The following WBP2NL variants were observed in gnomAD, a reference collection of about 807,000 sequenced individuals.
WBP2NL encodes the protein postacrosomal sheath WW domain-binding protein.
A neutral mutation model predicts 23.3 loss-of-function variants in WBP2NL; 27 were observed. The observed-to-expected ratio is 1.16, with a 90% CI of 0.85 to 1.60. The LOEUF (loss-of-function observed/expected upper bound fraction) is 1.60. Among genes scored for constraint, WBP2NL ranks in the 40% most tolerant of loss-of-function variants. The pLI, the probability that WBP2NL is intolerant of heterozygous loss-of-function variation, is 0.00. For synonymous variants in WBP2NL, 151 were observed against 145.9 expected (o/e 1.03, Z -0.25); for missense variants, 370 against 389.5 (o/e 0.95, Z 0.42).
downstream of WBP2NL, chr22:42,032,572 A>G (rs2146809814): frequency 3.4e-6 from 1 of 292,314 alleles, no homozygotes; most frequent in African/African-American, 2.2e-5. Context: ...GTATGTATAT[A>G]TATAAAATGT....
chr22:42,045,528 A>G (rs1345308493), intron 8 of WBP2NL, among the ~76,000 whole-genome samples: 1 of 152,246 alleles, frequency 6.6e-6, no homozygotes, highest in East Asian at 1.9e-4. Flanking sequence ...TTTCATAGAA[A>G]TGAAAGAGAA....
chr22:42,035,957 A>G (rs937383406), downstream of WBP2NL, among the ~76,000 whole-genome samples: 2 of 152,150 alleles, frequency 1.3e-5, no homozygotes, highest in African/African-American at 4.8e-5. Flanking sequence ...AACTTCCTCC[A>G]GCTTCATTCA....
chr22:42,019,521 C>T (rs1476694313), intron 2 of WBP2NL, 102 bp downstream of exon 2: 13 of 1,533,602 alleles, frequency 8.5e-6, no homozygotes, highest in Admixed American at 5.5e-5. Flanking sequence ...TTTAAACGTG[C>T]GCTTTGGGAT....
chr22:42,037,648 C>T (rs1025510665), downstream of WBP2NL, among the ~76,000 whole-genome samples: 7 of 151,874 alleles, frequency 4.6e-5, no homozygotes, highest in African/African-American at 1.5e-4. Context: ...TGCTGAGTCC[C>T]GTAAATTCCT....
chr22:41,998,855 G>A lies in WBP2NL; in HGVS notation c.37G>A (p.Gly13Arg), dbSNP rs770372376. The A allele has an allele frequency of 1.9e-6, 3 of 1,612,338 alleles. No homozygotes were observed. Among genetic ancestry groups the A allele is most frequent in the Non-Finnish European group, 2.5e-6 (3 of 1,178,906 alleles). ...TCAGAGCCACACCGAGAACCGCCGCGGAGCCCTCATCCCTAACGGTGAAAG... is the reference window on the plus strand; with the variant it reads ...TCAGAGCCACACCGAGAACCGCCGCAGAGCCCTCATCCCTAACGGTGAAAG... ...VNQSHTENRR[G>R]ALIPNGESLL... The change falls in exon 1 of 6, where the codon GGA (glycine) becomes AGA (arginine). Residue 13 changes from glycine to arginine, a missense_variant. Transcript: ENST00000328823.
intron 1 of WBP2NL, among the ~76,000 whole-genome samples, chr22:42,011,868 G>A (rs1021247113): frequency 2.0e-5 from 3 of 151,906 alleles, no homozygotes; most frequent in African/African-American, 4.8e-5. Context: ...TGCCTCCTGG[G>A]TTAAAGTGAT....
At chr22:42,006,493 A>C (rs1922266929) in intron 1 of WBP2NL, among the ~76,000 whole-genome samples, 1 of 152,176 alleles carries the variant, frequency 6.6e-6, no homozygotes, top group Non-Finnish European at 1.5e-5. Flanking sequence ...TCAGCCTCCC[A>C]AAGTGCTGGC....
downstream of WBP2NL, among the ~76,000 whole-genome samples, chr22:42,035,481 C>T (rs2146812220): frequency 6.6e-6 from 1 of 152,382 alleles, no homozygotes; most frequent in South Asian, 2.1e-4. Flanking sequence ...GGGTCTCGCG[C>T]TTGTCCCTGG....
intron 8 of WBP2NL, among the ~76,000 whole-genome samples, chr22:42,039,535 G>C (rs1027259890): frequency 2.6e-5 from 4 of 151,916 alleles, no homozygotes; most frequent in Admixed American, 2.6e-4. Flanking sequence ...GTTTGTTATT[G>C]GTCTGCTCAG....
intron 8 of WBP2NL, among the ~76,000 whole-genome samples, chr22:42,052,686 A>G (rs141785402): frequency 3.4e-4 from 51 of 152,120 alleles, no homozygotes; most frequent in African/African-American, 9.2e-4. Context: ...ACTTTTGTCT[A>G]TTTTTCCAAT....
intron 8 of WBP2NL, among the ~76,000 whole-genome samples, chr22:42,042,278 AT>A (rs1437233462): frequency 6.6e-6 from 1 of 152,138 alleles, no homozygotes; most frequent in African/African-American, 2.4e-5. Context: ...TCTTCATCTC[AT>A]AACCCCATAA....
chr22:42,008,985 T>A (rs535035985), intron 1 of WBP2NL, among the ~76,000 whole-genome samples: 5 of 152,140 alleles, frequency 3.3e-5, no homozygotes, highest in Non-Finnish European at 5.9e-5. Flanking sequence ...TTCACCGTGT[T>A]AGCCAGGATG....
chr22:42,017,139 T>C (rs577889678), intron 1 of WBP2NL, among the ~76,000 whole-genome samples: 5 of 152,224 alleles, frequency 3.3e-5, no homozygotes, highest in Non-Finnish European at 5.9e-5. Context: ...CTCTCTCTCT[T>C]TTTTTTGAAA....
rs963279701 is a variant in WBP2NL at position 42,027,502 on chromosome 22, C to T, written c.*321C>T. On this transcript the variant is annotated 3_prime_UTR_variant, in exon 6 of 6. Transcript: ENST00000328823. ...CATTCAAGGTTCCTGTCTTCCCATCCTCATTCAAGAAACATTTATTATGCT... is the reference window on the plus strand; with the variant it reads ...CATTCAAGGTTCCTGTCTTCCCATCTTCATTCAAGAAACATTTATTATGCT... The T allele has an allele frequency of 3.1e-6, 1 of 327,484 alleles. No individual in the cohort carries two copies. Among genetic ancestry groups the T allele is most frequent in the African/African-American group, 2.1e-5 (1 of 47,488 alleles). 20.3% of individuals were successfully genotyped at this position (327,484 alleles called of 1,614,324 possible). A position where few individuals can be genotyped will look rare whatever the true frequency, so the allele number is the denominator to read the frequency against.
chr22:42,036,799 G>T (rs1024551588), downstream of WBP2NL, among the ~76,000 whole-genome samples: 6 of 152,050 alleles, frequency 3.9e-5, no homozygotes, highest in Non-Finnish European at 7.4e-5. Context: ...GCATTGAGTT[G>T]TATGAGTTCC....
downstream of WBP2NL, among the ~76,000 whole-genome samples, chr22:42,034,755 C>CT (rs1925118530): frequency 6.6e-6 from 1 of 152,236 alleles, no homozygotes; most frequent in South Asian, 2.1e-4. Flanking sequence ...TGCGCATTCT[C>CT]TTTCTCAGGG....
downstream of WBP2NL, chr22:42,032,786 G>C (rs1430578772): frequency 2.1e-6 from 1 of 469,474 alleles, no homozygotes; most frequent in Non-Finnish European, 4.4e-6. Flanking sequence ...AGAAAGAAGG[G>C]GTTCTGTCAA....
intron 8 of WBP2NL, among the ~76,000 whole-genome samples, chr22:42,039,908 G>GTTT (rs80348568): frequency 7.4e-6 from 1 of 135,652 alleles, no homozygotes. Flanking sequence ...GTACAGTTAG[G>GTTT]TTTTTTTTTT....
At chr22:42,047,269 C>CAAAA (rs140516534) in intron 8 of WBP2NL, among the ~76,000 whole-genome samples, 6 of 101,478 alleles carry the variant, frequency 5.9e-5, no homozygotes, top group South Asian at 3.3e-4. Context: ...TTTTCAAGCT[C>CAAAA]AAAAAAAAAA....
Sources: gnomAD v4.1 joint callset for allele counts (sites outside exome capture counted in the v4.1 genomes callset) on GRCh38, gnomAD v4.1.1 for gene constraint, MANE v1.5 for transcripts, NCBI Gene and HGNC (gene_info 2026-07-23, HGNC 2026-07-21) for gene names.